The following DLGAP1 variants were observed in gnomAD, a reference collection of about 807,000 sequenced individuals.
DLGAP1 encodes the protein DLG associated protein 1.
DLGAP1 carries 11 observed loss-of-function variants against 90.8 expected under a neutral mutation model. That is an observed-to-expected ratio of 0.12 (90% CI 0.08 to 0.20). DLGAP1 has a LOEUF of 0.20. DLGAP1 is among the 10% of genes least tolerant of loss of function. The pLI, the probability that DLGAP1 is intolerant of heterozygous loss-of-function variation, is 1.00. For synonymous variants in DLGAP1, 558 were observed against 540.7 expected, an observed-to-expected ratio of 1.03 and a Z score of -0.44; for missense variants, 1,050 against 1,333.8, an observed-to-expected ratio of 0.79 and a Z score of 3.31.
chr18:4,281,446 C>A (rs1032119366), intron 1 of DLGAP1, among the ~76,000 whole-genome samples: 2 of 152,136 alleles, frequency 1.3e-5, no homozygotes, highest in East Asian at 1.9e-4. Context: ...CTCAGCTACT[C>A]GGGAGGCTGA....
chr18:3,599,382 TTGTC>T (rs1260297464), intron 7 of DLGAP1, among the ~76,000 whole-genome samples: 1 of 152,188 alleles, frequency 6.6e-6, no homozygotes, highest in African/African-American at 2.4e-5. Context: ...GTACTTGAAT[TTGTC>T]TGCAGGGAGA....
chr18:4,352,120 A>C (rs1228762834), intron 1 of DLGAP1, among the ~76,000 whole-genome samples: 1 of 152,188 alleles, frequency 6.6e-6, no homozygotes, highest in Non-Finnish European at 1.5e-5. Context: ...GGCATTTGCC[A>C]ACTTTACCAA....
chr18:3,834,854 C>T (rs773985415), intron 4 of DLGAP1, among the ~76,000 whole-genome samples: 29 of 152,146 alleles, frequency 1.9e-4, no homozygotes, highest in Non-Finnish European at 3.2e-4. Flanking sequence ...CACTGGAGAT[C>T]TGCATTTTAG....
chr18:4,025,858 T>C (rs889561882), intron 2 of DLGAP1, among the ~76,000 whole-genome samples: 2 of 152,202 alleles, frequency 1.3e-5, no homozygotes, highest in Admixed American at 6.5e-5. Flanking sequence ...AGTGAATATA[T>C]TGAAGGTATT....
At chr18:3,968,512 A>G (rs1205846625) in intron 3 of DLGAP1, among the ~76,000 whole-genome samples, 1 of 152,190 alleles carries the variant, frequency 6.6e-6, no homozygotes, top group Non-Finnish European at 1.5e-5. Context: ...TGAAAAACAT[A>G]TTTTGTGCAA....
intron 5 of DLGAP1, among the ~76,000 whole-genome samples, chr18:3,795,647 ATTTG>A (rs1568147923): frequency 6.6e-6 from 1 of 151,898 alleles, no homozygotes; most frequent in African/African-American, 2.4e-5. Flanking sequence ...TGTATTATTT[ATTTG>A]TTTGTTTATT....
At chr18:3,997,061 C>T in intron 3 of DLGAP1, among the ~76,000 whole-genome samples, 1 of 110,300 alleles carries the variant, frequency 9.1e-6, no homozygotes, top group Non-Finnish European at 1.8e-5. Flanking sequence ...TTAAAATAAG[C>T]TTTATTTAGA....
At chr18:4,242,838 G>C (rs1330452511) in intron 1 of DLGAP1, among the ~76,000 whole-genome samples, 1 of 152,060 alleles carries the variant, frequency 6.6e-6, no homozygotes, top group Non-Finnish European at 1.5e-5. Context: ...CACACACATA[G>C]TAACTCACAA....
At chr18:3,999,392 T>C (rs1002563651) in intron 3 of DLGAP1, among the ~76,000 whole-genome samples, 4 of 152,174 alleles carry the variant, frequency 2.6e-5, no homozygotes. Context: ...AGTAAATTTA[T>C]TTTTAGGATC....
chr18:3,794,341 G>C (rs1218155686), intron 5 of DLGAP1, among the ~76,000 whole-genome samples: 3 of 152,210 alleles, frequency 2.0e-5, no homozygotes, highest in African/African-American at 7.2e-5. Context: ...CAGTGCAGCT[G>C]ACAGTGTGCA....
chr18:3,578,034 A>C (rs2055261025), intron 8 of DLGAP1, among the ~76,000 whole-genome samples: 1 of 152,218 alleles, frequency 6.6e-6, no homozygotes, highest in Admixed American at 6.5e-5. Flanking sequence ...ACGGCCTTAC[A>C]TATATTTTAT....
intron 1 of DLGAP1, among the ~76,000 whole-genome samples, chr18:4,296,233 T>C (rs150196444): frequency 1.3e-3 from 192 of 152,294 alleles, no homozygotes; most frequent in African/African-American, 4.5e-3. Flanking sequence ...TAGTAAACAG[T>C]ACATTTTCTG....
chr18:4,248,345 G>T (rs946434524), intron 1 of DLGAP1, among the ~76,000 whole-genome samples: 2 of 152,190 alleles, frequency 1.3e-5, no homozygotes, highest in African/African-American at 4.8e-5. Context: ...TGACTCGTTG[G>T]AGTCTGTAAC....
chr18:3,573,632 G>T (rs1037520856), intron 8 of DLGAP1, among the ~76,000 whole-genome samples: 2 of 149,740 alleles, frequency 1.3e-5, no homozygotes, highest in African/African-American at 2.4e-5. Flanking sequence ...TTTGTGAAAG[G>T]TTTTTTTTTT....
rs146254342 is a variant in DLGAP1 at position 3,835,943 on chromosome 18, C to A, written c.958-21670G>T. On this transcript the variant is annotated intron_variant, in intron 4 of 12. Coordinates refer to ENST00000315677, the MANE Select transcript of DLGAP1 (RefSeq NM_004746.4). ...TGTGGGAGGCACAGTTGTTATAAAA[C>A]AAATATAAAGTTGATGTTGACTATA... Among the ~76,000 whole-genome samples, 795 of 152,150 alleles carry A rather than the reference C, an allele frequency of 5.2e-3. 9 individuals carry two copies. Among genetic ancestry groups the A allele is most frequent in the African/African-American group, 0.018 (756 of 41,518 alleles).
intron 5 of DLGAP1, among the ~76,000 whole-genome samples, chr18:3,768,032 T>C (rs754821459): frequency 6.6e-6 from 1 of 152,078 alleles, no homozygotes; most frequent in African/African-American, 2.4e-5. Context: ...TGTTTGCAGA[T>C]GACATGATTG....
chr18:3,841,865 T>C (rs2068734738), intron 4 of DLGAP1, among the ~76,000 whole-genome samples: 1 of 152,084 alleles, frequency 6.6e-6, no homozygotes. Flanking sequence ...GGGCCACAAC[T>C]ATGAATAAGA....
chr18:3,646,781 C>T (rs967333131), intron 7 of DLGAP1, among the ~76,000 whole-genome samples: 8 of 151,746 alleles, frequency 5.3e-5, no homozygotes, highest in South Asian at 2.1e-4. Flanking sequence ...AAAAATTAGC[C>T]GGGCGTGGTG....
At chr18:3,847,798 C>T (rs764204868) in intron 4 of DLGAP1, among the ~76,000 whole-genome samples, 2 of 152,120 alleles carry the variant, frequency 1.3e-5, no homozygotes, top group Non-Finnish European at 2.9e-5. Context: ...GTGATAAGTG[C>T]CTACACAAAG....
Sources: allele counts gnomAD v4.1 joint callset (sites outside exome capture counted in the v4.1 genomes callset), GRCh38; gene constraint gnomAD v4.1.1; transcripts MANE v1.5; gene names NCBI Gene and HGNC (gene_info 2026-07-23, HGNC 2026-07-21).